SLC22A4: variants seen among roughly 807,000 people sequenced by gnomAD.
SLC22A4 encodes the protein ET transporter.
SLC22A4 carries 39 observed loss-of-function variants against 56.6 expected under a neutral mutation model. The observed-to-expected ratio is 0.69, with a 90% CI of 0.53 to 0.90. The LOEUF (loss-of-function observed/expected upper bound fraction) is 0.90. Ranked by LOEUF, SLC22A4 falls within the 40% of genes least tolerant of loss-of-function variation. The probability of loss-of-function intolerance (pLI) is 0.00; values close to 1 mark genes in which losing one functional copy is unlikely to be tolerated. For synonymous variants in SLC22A4, 241 were observed against 281.4 expected, an observed-to-expected ratio of 0.86 and a Z score of 1.44; for missense variants, 594 against 696.5, an observed-to-expected ratio of 0.85 and a Z score of 1.66.
chr5:132,308,272 G>A (rs565760366), intron 1 of SLC22A4, among the ~76,000 whole-genome samples: 1 of 151,014 alleles, frequency 6.6e-6, no homozygotes, highest in African/African-American at 2.4e-5. Flanking sequence ...GCTTGACCTT[G>A]AGCTTTGTGA....
At chr5:132,302,554 C>T (rs748506976) in intron 1 of SLC22A4, among the ~76,000 whole-genome samples, 23 of 152,310 alleles carry the variant, frequency 1.5e-4, no homozygotes, top group Non-Finnish European at 2.9e-4. Flanking sequence ...TGGAATGACC[C>T]ACATGCTCTA....
chr5:132,303,149 T>A (rs77441963), intron 1 of SLC22A4, among the ~76,000 whole-genome samples: 3,302 of 152,324 alleles, frequency 0.022, 119 homozygotes, highest in African/African-American at 0.076. Context: ...ATAAAATCAT[T>A]TGCCCATTTT....
intron 8 of SLC22A4, among the ~76,000 whole-genome samples, chr5:132,337,315 A>G (rs1580848343): frequency 7.9e-6 from 1 of 126,018 alleles, no homozygotes; most frequent in Non-Finnish European, 1.6e-5. Context: ...CTCACTCTGG[A>G]GTGTAGTGGT....
chr5:132,300,149 T>C (rs570129287), intron 1 of SLC22A4, among the ~76,000 whole-genome samples: 2 of 152,336 alleles, frequency 1.3e-5, no homozygotes, highest in African/African-American at 2.4e-5. Flanking sequence ...CACAATTAGA[T>C]TGCGTTATGC....
At chr5:132,310,859 A>C (rs1320253159) in intron 1 of SLC22A4, among the ~76,000 whole-genome samples, 1 of 152,104 alleles carries the variant, frequency 6.6e-6, no homozygotes, top group African/African-American at 2.4e-5. Flanking sequence ...CTGAGAGCTG[A>C]GCTGCTGGGA....
intron 1 of SLC22A4, among the ~76,000 whole-genome samples, chr5:132,308,147 T>A (rs1358292880): frequency 6.6e-6 from 1 of 152,058 alleles, no homozygotes; most frequent in African/African-American, 2.4e-5. Context: ...GAGGAGGGGG[T>A]GCCTCTTTCC....
At chr5:132,331,887 C>A in intron 6 of SLC22A4, 37 bp downstream of exon 6, 2 of 1,273,608 alleles carry the variant, frequency 1.6e-6, no homozygotes, top group Non-Finnish European at 2.3e-6. Flanking sequence ...AGATATCCAG[C>A]ACATAAGTAT....
intron 1 of SLC22A4, among the ~76,000 whole-genome samples, chr5:132,301,611 T>G (rs1192906358): frequency 6.6e-6 from 1 of 152,202 alleles, no homozygotes. Context: ...AGCCAGGTTA[T>G]GTGGCGAAGG....
intron 5 of SLC22A4, among the ~76,000 whole-genome samples, chr5:132,328,836 T>TACACAC (rs1204553744): frequency 7.2e-6 from 1 of 138,994 alleles, no homozygotes; most frequent in African/African-American, 2.7e-5. Context: ...TATATATATA[T>TACACAC]ATACACACAC....
intron 1 of SLC22A4, among the ~76,000 whole-genome samples, chr5:132,306,422 TATATATATATATATATATATA>T (rs2126705047): frequency 1.3e-5 from 1 of 78,720 alleles, no homozygotes; most frequent in East Asian, 8.9e-4. Flanking sequence ...TATATATATA[TATATATATATATATATATATA>T]GTTGTTGTTG....
intron 1 of SLC22A4, among the ~76,000 whole-genome samples, chr5:132,299,377 G>C (rs1477004906): frequency 6.7e-6 from 1 of 150,218 alleles, no homozygotes; most frequent in Non-Finnish European, 1.5e-5. Flanking sequence ...CAGTTACTAA[G>C]AGTCAAATTA....
At position 132,317,412 on chromosome 5, in the gene SLC22A4, G is replaced by A. The variant is rs180987121; in HGVS notation, c.652+3644G>A. Reference sequence around the variant, plus strand: ...TGCCTTTAATGGATTTCCCTATTCCGCACATTTGATATAAACAGAATCATA... The same window carrying A: ...TGCCTTTAATGGATTTCCCTATTCCACACATTTGATATAAACAGAATCATA... On this transcript the variant is annotated intron_variant, in intron 3 of 9. Transcript: ENST00000200652. Among the ~76,000 whole-genome samples the A allele has an allele frequency of 3.0e-4, 46 of 152,134 alleles. 1 individual carries two copies. In the East Asian group the frequency reaches 7.2e-3, roughly 24 times the overall value.
intron 4 of SLC22A4, among the ~76,000 whole-genome samples, chr5:132,323,055 C>T (rs959821828): frequency 7.2e-5 from 11 of 152,190 alleles, no homozygotes; most frequent in Admixed American, 6.5e-4. Flanking sequence ...TTTCCTGTTC[C>T]TTTGCTTTTT....
intron 3 of SLC22A4, among the ~76,000 whole-genome samples, chr5:132,314,951 C>A (rs555594814): frequency 2.6e-5 from 4 of 152,092 alleles, no homozygotes; most frequent in Admixed American, 6.5e-5. Flanking sequence ...CAGGCCCCAG[C>A]GGGAGGAGGC....
intron 7 of SLC22A4, among the ~76,000 whole-genome samples, chr5:132,335,270 T>G (rs1750986276): frequency 2.0e-5 from 3 of 152,212 alleles, no homozygotes. Flanking sequence ...GGGTGTATAT[T>G]CAAGTATTAC....
intron 8 of SLC22A4, among the ~76,000 whole-genome samples, chr5:132,337,082 T>G (rs73787145): frequency 4.3e-4 from 66 of 152,086 alleles, no homozygotes; most frequent in African/African-American, 1.6e-3. Flanking sequence ...CTACACCCTT[T>G]GTGAATTTAC....
Position 132,313,748 on chromosome 5 carries a change from A to G in SLC22A4, c.632A>G (p.Tyr211Cys), listed in dbSNP as rs1268670410. The change falls in exon 3 of 10, where the codon TAT (tyrosine) becomes TGT (cysteine). Residue 211 changes from tyrosine (Y) to cysteine (C), a missense_variant. Tyr to Cys is a radical substitution (Grantham distance 194). Transcript: ENST00000200652. ...VIVGMGQISN[Y>C]VVAFILGTEI... ...GTGGGCATGGGCCAGATCTCCAACT[A>G]TGTGGTAGCCTTCATACTAGGTAGG... The G allele has an allele frequency of 6.8e-6, 11 of 1,614,024 alleles. No homozygotes were observed. Among genetic ancestry groups the G allele is most frequent in the Non-Finnish European group, 9.3e-6 (11 of 1,180,028 alleles).
chr5:132,296,550 G>A (rs1376150570), intron 1 of SLC22A4, among the ~76,000 whole-genome samples: 3 of 152,234 alleles, frequency 2.0e-5, no homozygotes, highest in Admixed American at 1.3e-4. Context: ...TGGGAAGTGG[G>A]CTCAGCCCAG....
chr5:132,297,163 C>T (rs1749798747), intron 1 of SLC22A4, among the ~76,000 whole-genome samples: 1 of 152,042 alleles, frequency 6.6e-6, no homozygotes, highest in Non-Finnish European at 1.5e-5. Context: ...ACTAAAAATA[C>T]AAAAATTAGC....
Sources: allele counts gnomAD v4.1 joint callset (sites outside exome capture counted in the v4.1 genomes callset), GRCh38; gene constraint gnomAD v4.1.1; transcripts MANE v1.5; gene names NCBI Gene and HGNC (gene_info 2026-07-23, HGNC 2026-07-21).